CNTLN: variants seen among roughly 807,000 people sequenced by gnomAD.
CNTLN encodes the protein centlein, centrosomal protein.
A neutral mutation model predicts 180.0 loss-of-function variants in CNTLN; 212 were observed. The observed-to-expected ratio is 1.18, with a 90% CI of 1.05 to 1.32. CNTLN has a LOEUF of 1.32. Ranked by LOEUF, CNTLN falls within the 40% of genes most tolerant of loss-of-function variation. CNTLN has a pLI of 0.00. For missense variants in CNTLN, 2,095 were observed against 1,610.9 expected (o/e 1.30, Z -5.14); for synonymous variants, 722 against 563.1 (o/e 1.28, Z -3.99).
intron 18 of CNTLN, among the ~76,000 whole-genome samples, chr9:17,444,630 A>G (rs1830299043): frequency 6.6e-6 from 1 of 152,220 alleles, no homozygotes; most frequent in South Asian, 2.1e-4. Context: ...GGCTTGATTA[A>G]TAAAAATGGA....
intron 18 of CNTLN, among the ~76,000 whole-genome samples, chr9:17,449,882 G>T (rs1055867639): frequency 5.3e-5 from 8 of 152,148 alleles, no homozygotes; most frequent in Admixed American, 6.5e-5. Flanking sequence ...TAAATGTTTT[G>T]AGTATTTTTG....
chr9:17,193,914 C>A (rs1261112422), intron 2 of CNTLN, among the ~76,000 whole-genome samples: 1 of 152,210 alleles, frequency 6.6e-6, no homozygotes, highest in Non-Finnish European at 1.5e-5. Flanking sequence ...TTTCCAAACC[C>A]CAATTCTTGA....
At chr9:17,296,056 C>G (rs191418165) in intron 6 of CNTLN, among the ~76,000 whole-genome samples, 1 of 150,824 alleles carries the variant, frequency 6.6e-6, no homozygotes, top group Non-Finnish European at 1.5e-5. Context: ...GAGTCTGGCT[C>G]TGTCACCCAG....
chr9:17,290,113 TTC>T (rs1326835238), intron 6 of CNTLN, among the ~76,000 whole-genome samples: 2 of 152,184 alleles, frequency 1.3e-5, no homozygotes, highest in Non-Finnish European at 2.9e-5. Context: ...AGTTTTTCTG[TTC>T]TGTTTTTTCC....
intron 2 of CNTLN, among the ~76,000 whole-genome samples, chr9:17,212,838 G>T (rs1467553923): frequency 1.3e-5 from 2 of 152,174 alleles, no homozygotes; most frequent in Non-Finnish European, 2.9e-5. Context: ...TAGTTTATTT[G>T]CATAGATGTG....
chr9:17,514,196 G>T, the CNTLN span, among the ~76,000 whole-genome samples: 1 of 151,588 alleles, frequency 6.6e-6, no homozygotes, highest in Non-Finnish European at 1.5e-5. Flanking sequence ...TGTAGTCCCA[G>T]CTACTGGGGA....
intron 15 of CNTLN, among the ~76,000 whole-genome samples, chr9:17,403,764 A>C (rs1017002330): frequency 2.6e-5 from 4 of 151,784 alleles, no homozygotes; most frequent in African/African-American, 9.7e-5. Flanking sequence ...CCAGAGAAGC[A>C]GACTGAAAGA....
intron 1 of CNTLN, among the ~76,000 whole-genome samples, chr9:17,137,544 G>A (rs906299064): frequency 1.3e-5 from 2 of 152,062 alleles, no homozygotes; most frequent in Non-Finnish European, 2.9e-5. Flanking sequence ...TATATTTTCA[G>A]AAAGAATACA....
intron 7 of CNTLN, chr9:17,299,564 GTGTT>G: frequency 1.0e-6 from 1 of 985,334 alleles, no homozygotes; most frequent in Non-Finnish European, 1.2e-6. Flanking sequence ...TTTTCAGTGT[GTGTT>G]TTGTGTTGCC....
chr9:17,257,248 T>C (rs1474152585), intron 5 of CNTLN, among the ~76,000 whole-genome samples: 2 of 152,106 alleles, frequency 1.3e-5, no homozygotes, highest in Non-Finnish European at 2.9e-5. Context: ...GTTCTTGCGA[T>C]AGTTTACTGA....
intron 18 of CNTLN, among the ~76,000 whole-genome samples, chr9:17,433,033 A>AAAC (rs763514039): frequency 0.029 from 4,301 of 150,200 alleles, 237 homozygotes; most frequent in East Asian, 0.24. Flanking sequence ...AAAAAAAAAA[A>AAAC]AAAAACAAAG....
chr9:17,441,301 G>A (rs973691997), intron 18 of CNTLN, among the ~76,000 whole-genome samples: 1 of 152,156 alleles, frequency 6.6e-6, no homozygotes, highest in African/African-American at 2.4e-5. Context: ...AAGGTAAACA[G>A]TGGTGTGTAA....
intron 23 of CNTLN, among the ~76,000 whole-genome samples, chr9:17,483,819 G>A (rs1275410329): frequency 6.6e-6 from 1 of 152,104 alleles, no homozygotes; most frequent in Non-Finnish European, 1.5e-5. Flanking sequence ...TTCTTCCAAA[G>A]CATTTGTAAT....
chr9:17,279,366 G>C (rs375825627), intron 6 of CNTLN, among the ~76,000 whole-genome samples: 1 of 152,078 alleles, frequency 6.6e-6, no homozygotes, highest in East Asian at 1.9e-4. Context: ...ATTTTTACCA[G>C]GGCCTTCCCT....
intron 10 of CNTLN, among the ~76,000 whole-genome samples, chr9:17,335,937 C>A (rs3898817): frequency 0.58 from 83,870 of 143,424 alleles, 25,209 homozygotes; most frequent in East Asian, 0.72. Context: ...AAAACAAAAA[C>A]AAAAACAAAG....
chr9:17,443,756 G>C (rs910528787), intron 18 of CNTLN, among the ~76,000 whole-genome samples: 1 of 152,130 alleles, frequency 6.6e-6, no homozygotes, highest in Non-Finnish European at 1.5e-5. Flanking sequence ...CCCAGAGAAA[G>C]AATGCTGGAG....
chr9:17,317,075 G>A lies in CNTLN; in HGVS notation c.1341+7823G>A, dbSNP rs986254656. Among the ~76,000 whole-genome samples the A allele has an allele frequency of 4.0e-5, 6 of 151,686 alleles. 1 individual carries two copies. Among genetic ancestry groups the A allele is most frequent in the African/African-American group, 1.5e-4 (6 of 41,248 alleles). Reference sequence around the variant, plus strand: ...TTTCTTAATGTTGAGAAGATATCATGTCGTTATCATTGGGTTTGCATAATT... The same window carrying A: ...TTTCTTAATGTTGAGAAGATATCATATCGTTATCATTGGGTTTGCATAATT... On this transcript the variant is annotated intron_variant, in intron 8 of 25. Coordinates refer to ENST00000380647, the MANE Select transcript of CNTLN (RefSeq NM_017738.4).
At chr9:17,524,647 C>T in the CNTLN span, among the ~76,000 whole-genome samples, 1 of 152,186 alleles carries the variant, frequency 6.6e-6, no homozygotes, top group African/African-American at 2.4e-5. Context: ...TTGAATGCAG[C>T]TTAAACTTTC....
intron 1 of CNTLN, among the ~76,000 whole-genome samples, chr9:17,136,768 C>G (rs2131387756): frequency 6.6e-6 from 1 of 152,210 alleles, no homozygotes. Context: ...TTTCGTTTTA[C>G]CATTTTTCTG....
Sources: allele counts gnomAD v4.1 joint callset (sites outside exome capture counted in the v4.1 genomes callset), GRCh38; gene constraint gnomAD v4.1.1; transcripts MANE v1.5; gene names NCBI Gene and HGNC (gene_info 2026-07-23, HGNC 2026-07-21).